LOC128706666: variants seen among roughly 807,000 people sequenced by gnomAD.
the LOC128706666 span, among the ~76,000 whole-genome samples, chr20:10,418,365 C>T: frequency 1.3e-5 from 2 of 152,058 alleles, no homozygotes; most frequent in African/African-American, 4.8e-5. Context: ...CTTGAGGGCT[C>T]AATATACTAT....
chr20:10,422,708 A>G, the LOC128706666 span, among the ~76,000 whole-genome samples: 3 of 147,004 alleles, frequency 2.0e-5, no homozygotes, highest in East Asian at 6.1e-4. Flanking sequence ...ATCAAGTTAT[A>G]TTATCTTTTT....
the LOC128706666 span, among the ~76,000 whole-genome samples, chr20:10,433,434 C>T: frequency 6.6e-6 from 1 of 152,174 alleles, no homozygotes; most frequent in African/African-American, 2.4e-5. Context: ...TGGTCACTGC[C>T]GTATCTACTA....
the LOC128706666 span, among the ~76,000 whole-genome samples, chr20:10,423,782 T>C: frequency 6.6e-6 from 1 of 152,262 alleles, no homozygotes; most frequent in Non-Finnish European, 1.5e-5. Flanking sequence ...AATCTTTTTC[T>C]AGATTTAGGT....
At chr20:10,414,018 C>T in the LOC128706666 span, 1 of 389,752 alleles carries the variant, frequency 2.6e-6, no homozygotes, top group South Asian at 1.4e-4. Context: ...TAATGCTCTG[C>T]TGCCTTTTTA....
chr20:10,428,716 GT>G, the LOC128706666 span, among the ~76,000 whole-genome samples: 1 of 152,134 alleles, frequency 6.6e-6, no homozygotes, highest in Non-Finnish European at 1.5e-5. Flanking sequence ...GGGTGCACCT[GT>G]AATCCCAGTT....
chr20:10,417,670 G>C, the LOC128706666 span, among the ~76,000 whole-genome samples: 21,826 of 83,948 alleles, frequency 0.26, 1,779 homozygotes, highest in African/African-American at 0.37. Flanking sequence ...AGCCTTCTCT[G>C]TAAAAAAAAA....
At chr20:10,432,789 C>CAAAAAAAA in the LOC128706666 span, among the ~76,000 whole-genome samples, 67 of 74,574 alleles carry the variant, frequency 9.0e-4, 3 homozygotes, top group Non-Finnish European at 1.3e-3. Flanking sequence ...GACTCTTTGT[C>CAAAAAAAA]AAAAAAAAAA....
At chr20:10,422,976 G>C in the LOC128706666 span, among the ~76,000 whole-genome samples, 4 of 152,124 alleles carry the variant, frequency 2.6e-5, no homozygotes, top group African/African-American at 9.7e-5. Context: ...CTCCCAAAGT[G>C]CTGGGATTAC....
the LOC128706666 span, among the ~76,000 whole-genome samples, chr20:10,429,690 T>A: frequency 2.0e-5 from 3 of 152,194 alleles, no homozygotes; most frequent in Non-Finnish European, 2.9e-5. Context: ...ACTCAGCACA[T>A]CCTGCCATTT....
the LOC128706666 span, among the ~76,000 whole-genome samples, chr20:10,425,029 G>A: frequency 1.3e-5 from 2 of 150,148 alleles, no homozygotes; most frequent in African/African-American, 4.9e-5. Context: ...CTCCCACCTA[G>A]GCAACAAGAG....
the LOC128706666 span, among the ~76,000 whole-genome samples, chr20:10,426,067 T>C: frequency 2.2e-3 from 340 of 152,346 alleles, no homozygotes; most frequent in Admixed American, 4.6e-3. Context: ...CTCTCAAAAG[T>C]ATGGTCTTAA....
chr20:10,418,127 G>A, the LOC128706666 span, among the ~76,000 whole-genome samples: 21,942 of 152,168 alleles, frequency 0.14, 1,781 homozygotes, highest in East Asian at 0.24. Context: ...ATGTGTTTGT[G>A]TATGTGTGTT....
the LOC128706666 span, among the ~76,000 whole-genome samples, chr20:10,426,455 G>T: frequency 1.3e-5 from 2 of 152,210 alleles, no homozygotes; most frequent in South Asian, 4.1e-4. Flanking sequence ...GCCCAAGGGG[G>T]AGCGTAGTGG....
chr20:10,421,976 T>C, the LOC128706666 span, among the ~76,000 whole-genome samples: 1 of 152,088 alleles, frequency 6.6e-6, no homozygotes, highest in African/African-American at 2.4e-5. Context: ...TTTAGTACCA[T>C]GAAATCTCCT....
chr20:10,434,016 G>C, the LOC128706666 span: 1 of 152,370 alleles, frequency 6.6e-6, no homozygotes, highest in African/African-American at 2.4e-5. Context: ...GGTGACCTTT[G>C]GGGGTGGAGA....
At chr20:10,427,321 C>T in the LOC128706666 span, among the ~76,000 whole-genome samples, 4 of 152,014 alleles carry the variant, frequency 2.6e-5, no homozygotes, top group Admixed American at 1.3e-4. Context: ...CAGTGTAAAA[C>T]GGATTCTTTT....
chr20:10,421,286 TG>T, the LOC128706666 span, among the ~76,000 whole-genome samples: 1 of 149,506 alleles, frequency 6.7e-6, no homozygotes, highest in Non-Finnish European at 1.5e-5. Flanking sequence ...TAGTCGGATA[TG>T]GTGGCGCATG....
chr20:10,424,686 CAAACA>C, the LOC128706666 span, among the ~76,000 whole-genome samples: 1 of 152,124 alleles, frequency 6.6e-6, no homozygotes, highest in South Asian at 2.1e-4. Context: ...TACTTACAAT[CAAACA>C]TATTTTGGGG....
At chr20:10,417,640 T>C in the LOC128706666 span, among the ~76,000 whole-genome samples, 64 of 149,726 alleles carry the variant, frequency 4.3e-4, no homozygotes, top group African/African-American at 1.5e-3. Context: ...AGCTATGATA[T>C]GCTACTGCTA....
Sources: allele counts gnomAD v4.1 joint callset (sites outside exome capture counted in the v4.1 genomes callset), GRCh38; gene constraint gnomAD v4.1.1; transcripts MANE v1.5.